The following BBS9 variants were observed in gnomAD, a reference collection of about 807,000 sequenced individuals.
BBS9 encodes the protein Bardet-Biedl syndrome 9.
In BBS9, 89 loss-of-function variants were observed where a neutral mutation model predicts 117.7. The observed-to-expected ratio is 0.76, with a 90% CI of 0.64 to 0.90. BBS9 has a LOEUF of 0.90. BBS9 is among the 40% of genes least tolerant of loss of function. The pLI is 0.00. For synonymous variants in BBS9, 379 were observed against 370.9 expected, an observed-to-expected ratio of 1.02 and a Z score of -0.25; for missense variants, 982 against 1,042.2, an observed-to-expected ratio of 0.94 and a Z score of 0.80.
chr7:33,406,060 G>T (rs1232486190), intron 19 of BBS9, among the ~76,000 whole-genome samples: 1 of 152,206 alleles, frequency 6.6e-6, no homozygotes, highest in East Asian at 1.9e-4. Context: ...GTTCTCGTTG[G>T]TTTCAAAGAA....
At chr7:33,159,263 T>G (rs576243834) in intron 4 of BBS9, among the ~76,000 whole-genome samples, 1 of 152,164 alleles carries the variant, frequency 6.6e-6, no homozygotes. Context: ...ACTATCACCA[T>G]TGTAAATGTG....
At chr7:33,141,397 G>A (rs1043018808) in intron 1 of BBS9, among the ~76,000 whole-genome samples, 7 of 151,958 alleles carry the variant, frequency 4.6e-5, no homozygotes, top group African/African-American at 1.7e-4. Flanking sequence ...CTCCAGCCTG[G>A]GTGACAGAGC....
intron 17 of BBS9, among the ~76,000 whole-genome samples, chr7:33,374,901 C>CAAAAA (rs954530141): frequency 1.6e-5 from 1 of 64,498 alleles, no homozygotes; most frequent in Admixed American, 1.8e-4. Flanking sequence ...AACTCCGTCT[C>CAAAAA]AAAAAAAAAA....
chr7:33,529,050 T>G (rs1358703145), intron 20 of BBS9, among the ~76,000 whole-genome samples: 1 of 152,180 alleles, frequency 6.6e-6, no homozygotes, highest in Non-Finnish European at 1.5e-5. Context: ...GGTCTCTGGA[T>G]AGCAAGAAGC....
chr7:33,280,536 C>T (rs1359040774), intron 9 of BBS9, among the ~76,000 whole-genome samples: 1 of 152,202 alleles, frequency 6.6e-6, no homozygotes, highest in Non-Finnish European at 1.5e-5. Flanking sequence ...TGGTCTCCCT[C>T]TTCTCTGAAT....
intron 5 of BBS9, among the ~76,000 whole-genome samples, chr7:33,255,204 A>C (rs1270364911): frequency 1.3e-5 from 2 of 152,034 alleles, no homozygotes; most frequent in African/African-American, 4.8e-5. Flanking sequence ...TTTGTGTCCT[A>C]TCCAAAAAAT....
chr7:33,335,440 A>G (rs1417128886), intron 9 of BBS9, among the ~76,000 whole-genome samples: 1 of 152,194 alleles, frequency 6.6e-6, no homozygotes, highest in Non-Finnish European at 1.5e-5. Context: ...TTCTGTAGAA[A>G]ACCTAACAAA....
rs560440370 is a variant in BBS9, at chr7:33,306,164, A to G, written c.1017-30277A>G. The stretch of plus-strand genomic sequence containing the variant: ...TTCTTCATTGACCCACTCTTCATTC[A>G]GGAGCATATTGTTTAGTTTCCATGT... On this transcript the variant is annotated intron_variant, in intron 9 of 22. Coordinates refer to ENST00000242067, the MANE Select transcript of BBS9 (RefSeq NM_198428.3). Among the ~76,000 whole-genome samples the G allele has an allele frequency of 1.1e-3, 167 of 152,182 alleles. 3 individuals are homozygous for G. The Middle Eastern group carries it at 0.017, about 15-fold the overall frequency.
chr7:33,299,563 T>C (rs554117654), intron 9 of BBS9, among the ~76,000 whole-genome samples: 1 of 149,054 alleles, frequency 6.7e-6, no homozygotes, highest in South Asian at 2.1e-4. Context: ...TAATAATCAA[T>C]ATTATTATAA....
intron 19 of BBS9, among the ~76,000 whole-genome samples, chr7:33,436,569 G>A (rs1835334624): frequency 6.6e-6 from 1 of 151,984 alleles, no homozygotes; most frequent in South Asian, 2.1e-4. Flanking sequence ...CAAACCAAAG[G>A]TTCTGAATTT....
intron 19 of BBS9, among the ~76,000 whole-genome samples, chr7:33,500,512 G>A (rs1845298976): frequency 2.0e-5 from 3 of 152,202 alleles, no homozygotes; most frequent in African/African-American, 4.8e-5. Context: ...TGGGGGGACA[G>A]GGGGTCAGCA....
At chr7:33,321,345 G>A (rs1300827571) in intron 9 of BBS9, among the ~76,000 whole-genome samples, 1 of 151,916 alleles carries the variant, frequency 6.6e-6, no homozygotes, top group Non-Finnish European at 1.5e-5. Context: ...TAACAATATT[G>A]ATTCTTCTAA....
intron 17 of BBS9, among the ~76,000 whole-genome samples, chr7:33,371,929 A>G (rs1276150805): frequency 6.6e-6 from 1 of 152,144 alleles, no homozygotes; most frequent in African/African-American, 2.4e-5. Context: ...TTACAGATAA[A>G]ATGTTTTTAA....
chr7:33,149,991 T>C (rs900834928), intron 2 of BBS9, among the ~76,000 whole-genome samples: 15 of 152,186 alleles, frequency 9.9e-5, no homozygotes, highest in Non-Finnish European at 1.9e-4. Context: ...GGGAATGTTT[T>C]AGGAAGGTTT....
At chr7:33,146,733 T>A (rs1009682267) in intron 2 of BBS9, among the ~76,000 whole-genome samples, 5 of 151,436 alleles carry the variant, frequency 3.3e-5, no homozygotes, top group Non-Finnish European at 7.4e-5. Context: ...TAAAAATGAC[T>A]TGCTTTTGAA....
At chr7:33,598,395 G>C (rs530518089) in intron 21 of BBS9, among the ~76,000 whole-genome samples, 58 of 152,102 alleles carry the variant, frequency 3.8e-4, no homozygotes, top group Admixed American at 2.0e-4. Context: ...TGACCAAGAA[G>C]AGCCAAAGGA....
chr7:33,341,606 C>G (rs1429816929), intron 11 of BBS9, among the ~76,000 whole-genome samples: 2 of 149,070 alleles, frequency 1.3e-5, no homozygotes, highest in Non-Finnish European at 3.0e-5. Flanking sequence ...TCATTATCAT[C>G]AAATTACATT....
At chr7:33,275,313 G>A (rs1800572030) in intron 9 of BBS9, among the ~76,000 whole-genome samples, 1 of 152,152 alleles carries the variant, frequency 6.6e-6, no homozygotes, top group Admixed American at 6.5e-5. Flanking sequence ...TAATTTAAAA[G>A]TTTTGAGATT....
intron 20 of BBS9, among the ~76,000 whole-genome samples, chr7:33,531,576 A>G (rs1277409603): frequency 6.6e-6 from 1 of 152,212 alleles, no homozygotes; most frequent in African/African-American, 2.4e-5. Context: ...AAAAAACTTG[A>G]AACTCAGTTT....
Sources: gnomAD v4.1 joint callset for allele counts (sites outside exome capture counted in the v4.1 genomes callset) on GRCh38, gnomAD v4.1.1 for gene constraint, MANE v1.5 for transcripts, NCBI Gene and HGNC (gene_info 2026-07-23, HGNC 2026-07-21) for gene names.